ZMAT1: variants seen among roughly 807,000 people sequenced by gnomAD.
The protein encoded by ZMAT1 is zinc finger matrin-type protein 1.
A neutral mutation model predicts 18.5 loss-of-function variants in ZMAT1; 11 were observed. The ratio of observed to expected loss-of-function variants is 0.59; its 90% confidence interval spans 0.37 to 0.98. The LOEUF is 0.98. Among genes scored for constraint, ZMAT1 ranks in the 50% least tolerant of loss-of-function variants. The pLI is 0.01. For synonymous variants in ZMAT1, 211 were observed against 176.4 expected (o/e 1.20, Z -1.55); for missense variants, 525 against 496.2 (o/e 1.06, Z -0.55).
At chrX:101,895,460 T>C (rs1404001664) in intron 4 of ZMAT1, among the ~76,000 whole-genome samples, 6 of 111,257 alleles carry the variant, frequency 5.4e-5, no homozygotes, top group African/African-American at 1.6e-4. Flanking sequence ...TGTAAGTCCT[T>C]ATAAAATTCT....
At chrX:101,922,636 G>A (rs1929801536) in intron 1 of ZMAT1, among the ~76,000 whole-genome samples, 1 of 111,078 alleles carries the variant, frequency 9.0e-6, no homozygotes. Flanking sequence ...CAGGTGATCC[G>A]CCTGCCTTGG....
At chrX:101,914,313 C>T (rs1387226218) in intron 1 of ZMAT1, among the ~76,000 whole-genome samples, 1 of 109,809 alleles carries the variant, frequency 9.1e-6, no homozygotes, top group East Asian at 2.9e-4. Flanking sequence ...AAAACAACCC[C>T]CAAATTAGTA....
chrX:101,892,148 G>T (rs1603274959), intron 4 of ZMAT1, among the ~76,000 whole-genome samples: 1 of 111,078 alleles, frequency 9.0e-6, no homozygotes, highest in African/African-American at 3.3e-5. Flanking sequence ...GAAGGAAAAG[G>T]AAACAGATTA....
chrX:101,917,887 T>A (rs1450078401), intron 1 of ZMAT1, among the ~76,000 whole-genome samples: 2 of 112,235 alleles, frequency 1.8e-5, no homozygotes, highest in Non-Finnish European at 3.8e-5. Flanking sequence ...ATTTGCAACA[T>A]CATGAATGGA....
rs746293729 is a variant in ZMAT1, at chrX:101,922,779, C to CA, written c.292+8937dup. Among the ~76,000 whole-genome samples, 197 of 111,285 alleles carry CA rather than the reference C, an allele frequency of 1.8e-3. 1 individual carries two copies. The highest frequency in any genetic ancestry group is 2.1e-3 in the Non-Finnish European group (109 of 53,094). On this transcript the variant is annotated intron_variant, in intron 1 of 5. Transcript: ENST00000651725. ...TGTTTCTTTCGATCCACCCGACCCC[C>CA]AACCCCCACTATTTGAGACATGATT...
chrX:101,915,963 T>C (rs767492422), intron 1 of ZMAT1, among the ~76,000 whole-genome samples: 59 of 111,856 alleles, frequency 5.3e-4, no homozygotes, highest in Non-Finnish European at 1.9e-4. Context: ...GCAGCACTAT[T>C]TACAACATCA....
At chrX:101,915,861 T>C (rs1177149121) in intron 1 of ZMAT1, among the ~76,000 whole-genome samples, 1 of 112,085 alleles carries the variant, frequency 8.9e-6, no homozygotes, top group Non-Finnish European at 1.9e-5. Context: ...GAACGAGAAA[T>C]ACCATTTGAC....
rs1267241044 is a variant in ZMAT1, at chrX:101,893,497, C to T, written c.676+4371G>A. On this transcript the variant is annotated intron_variant, in intron 4 of 5. Coordinates refer to ENST00000651725, the MANE Select transcript of ZMAT1 (RefSeq NM_001394560.1). Reference sequence around the variant, plus strand: ...TAACTTTCTGGGATATGCTGAATCACACTAAGTAGAAACCTGAAAGAGTAG... The same window carrying T: ...TAACTTTCTGGGATATGCTGAATCATACTAAGTAGAAACCTGAAAGAGTAG... 2.7e-5 allele frequency among the ~76,000 whole-genome samples: 3 copies of T among 111,596 alleles called. No individual in the cohort carries two copies. In the East Asian group the frequency reaches 8.5e-4, roughly 31 times the overall value.
At chrX:101,885,230 T>A (rs918577644) in intron 5 of ZMAT1, among the ~76,000 whole-genome samples, 4 of 111,924 alleles carry the variant, frequency 3.6e-5, no homozygotes, top group African/African-American at 6.5e-5. Flanking sequence ...AATGTATGGG[T>A]GGGGACTAAT....
chrX:101,929,812 G>C (rs906915631), intron 1 of ZMAT1, among the ~76,000 whole-genome samples: 4 of 111,498 alleles, frequency 3.6e-5, no homozygotes, highest in Admixed American at 9.6e-5. Flanking sequence ...GTGATGGAAA[G>C]ACTATCAATC....
At chrX:101,905,888 TAA>T (rs747049552) in intron 1 of ZMAT1, among the ~76,000 whole-genome samples, 2 of 47,965 alleles carry the variant, frequency 4.2e-5, no homozygotes, top group Non-Finnish European at 4.3e-5. Context: ...GCCAAAAAAC[TAA>T]AAAAAAAAAA....
At chrX:101,887,782 A>G (rs1324755303) in intron 4 of ZMAT1, 2 of 111,359 alleles carry the variant, frequency 1.8e-5, no homozygotes, top group East Asian at 5.7e-4. Context: ...CAAAATATGA[A>G]TGAAATGTTC....
intron 4 of ZMAT1, among the ~76,000 whole-genome samples, chrX:101,892,373 T>A (rs763390474): frequency 9.0e-6 from 1 of 111,246 alleles, no homozygotes; most frequent in East Asian, 2.8e-4. Flanking sequence ...TGTTACAGCA[T>A]TAAGGTGTGA....
intron 1 of ZMAT1, among the ~76,000 whole-genome samples, chrX:101,929,489 AGAGAC>A (rs771780538): frequency 0.16 from 14,974 of 91,362 alleles, 1,174 homozygotes; most frequent in Non-Finnish European, 0.22. Context: ...AGAGAGAGAG[AGAGAC>A]ACACAAATAT....
intron 5 of ZMAT1, 90 bp from the exon 6 acceptor site, chrX:101,884,911 A>G (rs781098079): frequency 7.2e-6 from 4 of 552,987 alleles, no homozygotes; most frequent in African/African-American, 7.1e-5. Flanking sequence ...AAAAAACAAA[A>G]ACAACAAATT....
intron 1 of ZMAT1, among the ~76,000 whole-genome samples, chrX:101,916,399 A>G (rs1167704529): frequency 9.0e-6 from 1 of 111,714 alleles, no homozygotes; most frequent in East Asian, 2.8e-4. Flanking sequence ...AATTTAAAGT[A>G]AAATTTAAAA....
intron 1 of ZMAT1, among the ~76,000 whole-genome samples, chrX:101,925,150 G>A (rs1929980408): frequency 8.9e-6 from 1 of 112,205 alleles, no homozygotes; most frequent in Admixed American, 9.5e-5. Context: ...TGGTTGTTTT[G>A]CTACCATGAC....
intron 4 of ZMAT1, among the ~76,000 whole-genome samples, chrX:101,893,777 G>A (rs1009651133): frequency 9.0e-6 from 1 of 111,307 alleles, no homozygotes; most frequent in Non-Finnish European, 1.9e-5. Context: ...ATGAGGGGGA[G>A]TTAGCCAGGG....
Position 101,904,350 on chromosome X carries a change from G to A in ZMAT1, c.293-20C>T, listed in dbSNP as rs1349358877. On this transcript the variant is annotated intron_variant, in intron 1 of 5. Transcript: ENST00000651725. ...TGGCGTCTGTGAATAAAAAAGGGAA[G>A]ACAAATATATCACATTAATAAATAT... is the stretch of plus-strand genomic sequence containing the variant. 1.8e-5 allele frequency: 19 copies of A among 1,058,335 alleles called. No homozygotes were observed. Among genetic ancestry groups the A allele is most frequent in the Admixed American group, 1.2e-4 (5 of 41,039 alleles). 87.2% of individuals were successfully genotyped at this position (1,058,335 alleles called of 1,213,427 possible).
Sources: gnomAD v4.1 joint callset for allele counts (sites outside exome capture counted in the v4.1 genomes callset) on GRCh38, gnomAD v4.1.1 for gene constraint, MANE v1.5 for transcripts, NCBI Gene and HGNC (gene_info 2026-07-23, HGNC 2026-07-21) for gene names.